STK32B: variants seen among roughly 807,000 people sequenced by gnomAD.
STK32B encodes serine/threonine kinase 32B.
A neutral mutation model predicts 52.6 loss-of-function variants in STK32B; 43 were observed. That is an observed-to-expected ratio of 0.82 (90% confidence interval 0.64 to 1.05). The LOEUF (loss-of-function observed/expected upper bound fraction) is 1.05, where lower values mean the gene tolerates loss of function less well. Ranked by LOEUF, STK32B falls within the 50% of genes least tolerant of loss-of-function variation. The probability of loss-of-function intolerance (pLI) is 0.00; values close to 1 mark genes in which losing one functional copy is unlikely to be tolerated. For missense variants in STK32B, 621 were observed against 534.6 expected, an observed-to-expected ratio of 1.16 and a Z score of -1.59; for synonymous variants, 238 against 204.3, an observed-to-expected ratio of 1.17 and a Z score of -1.41.
chr4:5,162,602 A>T (rs74774976), intron 2 of STK32B, among the ~76,000 whole-genome samples: 11,252 of 152,248 alleles, frequency 0.074, 581 homozygotes, highest in African/African-American at 0.15. Flanking sequence ...GTTGTAATTA[A>T]TAATGATGAC....
intron 1 of STK32B, among the ~76,000 whole-genome samples, chr4:5,078,270 A>G (rs555321649): frequency 6.6e-6 from 1 of 152,316 alleles, no homozygotes; most frequent in Non-Finnish European, 1.5e-5. Flanking sequence ...CTGGACTTCC[A>G]TATATGTCCT....
intron 1 of STK32B, among the ~76,000 whole-genome samples, chr4:5,111,993 T>A (rs1468996827): frequency 6.6e-6 from 1 of 152,174 alleles, no homozygotes; most frequent in Non-Finnish European, 1.5e-5. Flanking sequence ...GTGCATAACA[T>A]GTCTTAAAAT....
Position 5,460,208 on chromosome 4 carries a change from A to C in STK32B, c.889A>C (p.Met297Leu). The C allele has an allele frequency of 6.2e-7, 1 of 1,613,294 alleles. No homozygotes were observed. Among genetic ancestry groups the C allele is most frequent in the Non-Finnish European group, 8.5e-7 (1 of 1,179,636 alleles). Residue 297 changes from methionine (M) to leucine (L), a missense_variant, in exon 9 of 12, where the codon ATG becomes CTG. Physicochemically the swap from Met to Leu is conservative, Grantham distance 15. Transcript: ENST00000282908. This position sits in a 1 kb window ranked among gnomAD's most constrained non-coding sequence, Gnocchi z 4.8. ...GGACGCGGTGTTCAAGAAGGCACTGATGCCCGGCTTTGTGCCCAATGTGAG... is the reference window on the plus strand; with the variant it reads ...GGACGCGGTGTTCAAGAAGGCACTGCTGCCCGGCTTTGTGCCCAATGTGAG... ...NWDAVFKKAL[M>L]PGFVPNKGRL...
At chr4:5,416,977 TGCCTAAGACTCA>T in intron 6 of STK32B, 43 bp downstream of exon 6, 1 of 1,539,302 alleles carries the variant, frequency 6.5e-7, no homozygotes, top group Non-Finnish European at 8.9e-7. Context: ...TCGGGCTCAC[TGCCTAAGACTCA>T]GCATCCTTCT....
chr4:5,488,292 C>T (rs542934102), intron 11 of STK32B, among the ~76,000 whole-genome samples: 10 of 151,884 alleles, frequency 6.6e-5, no homozygotes, highest in East Asian at 3.9e-4. Context: ...AGTGAGACTC[C>T]GTCTGAAAAA....
At position 5,404,924 on chromosome 4, in the gene STK32B, C is replaced by T. The variant is rs187926387; in HGVS notation, c.472+6680C>T. ...TTCTGTCACCGAGACTGGAGTGCGG[C>T]GGTGCCATCTCGGCTCACTGCAAGC... On this transcript the variant is annotated intron_variant, in intron 5 of 11. Coordinates refer to ENST00000282908, the MANE Select transcript of STK32B (RefSeq NM_018401.3). Among the ~76,000 whole-genome samples, 587 of 139,478 alleles carry T rather than the reference C, an allele frequency of 4.2e-3. 4 individuals carry two copies. The highest frequency in any genetic ancestry group is 0.014 in the African/African-American group (494 of 36,400). The allele number at this position is 139,478 out of a possible 152,430, so 91.5% of individuals were successfully genotyped here. A position where few individuals can be genotyped will look rare whatever the true frequency, so the allele number is the denominator to read the frequency against.
chr4:5,267,540 G>A (rs768590647), intron 3 of STK32B, among the ~76,000 whole-genome samples: 15 of 152,260 alleles, frequency 9.9e-5, no homozygotes, highest in Middle Eastern at 3.4e-3. Context: ...CACATCTCAG[G>A]AAAAGAAATG....
intron 1 of STK32B, among the ~76,000 whole-genome samples, chr4:5,082,898 C>T (rs1431205261): frequency 2.0e-5 from 3 of 152,158 alleles, no homozygotes; most frequent in Non-Finnish European, 4.4e-5. Flanking sequence ...TTGTGCAATA[C>T]AATTCACTTT....
the STK32B span, among the ~76,000 whole-genome samples, chr4:5,031,516 C>A: frequency 1.1e-4 from 16 of 152,022 alleles, no homozygotes; most frequent in Admixed American, 3.9e-4. Flanking sequence ...GGAGGATCAC[C>A]TGACTCCAAG....
intron 1 of STK32B, among the ~76,000 whole-genome samples, chr4:5,131,506 C>T (rs1404718900): frequency 6.6e-6 from 1 of 152,158 alleles, no homozygotes; most frequent in African/African-American, 2.4e-5. Flanking sequence ...GAAAAACTTC[C>T]TAGAGCCCTT....
intron 1 of STK32B, among the ~76,000 whole-genome samples, chr4:5,119,013 C>T (rs996524135): frequency 6.6e-6 from 1 of 152,206 alleles, no homozygotes; most frequent in African/African-American, 2.4e-5. Context: ...ATTTTCTTCC[C>T]TACCTACCAT....
chr4:5,051,250 G>A (rs565137264), upstream of STK32B, among the ~76,000 whole-genome samples: 7 of 152,248 alleles, frequency 4.6e-5, no homozygotes, highest in Admixed American at 3.9e-4. Context: ...CTTTCTTACT[G>A]CTGGGTTGTC....
At chr4:5,164,484 C>T (rs1471965841) in intron 2 of STK32B, among the ~76,000 whole-genome samples, 2 of 152,226 alleles carry the variant, frequency 1.3e-5, no homozygotes, top group African/African-American at 2.4e-5. Context: ...CAAATAAGAG[C>T]ACTGTCTTAG....
chr4:5,224,756 A>G (rs1457688167), intron 3 of STK32B, among the ~76,000 whole-genome samples: 1 of 152,154 alleles, frequency 6.6e-6, no homozygotes, highest in East Asian at 1.9e-4. Context: ...AATGACAAAT[A>G]ATATATGGTG....
At chr4:5,369,659 C>T (rs1022107849) in intron 4 of STK32B, among the ~76,000 whole-genome samples, 2 of 152,102 alleles carry the variant, frequency 1.3e-5, no homozygotes, top group Admixed American at 1.3e-4. Context: ...TCTGCTCTAC[C>T]CTCATGGTCT....
chr4:5,226,728 T>C (rs1723898989), intron 3 of STK32B, among the ~76,000 whole-genome samples: 1 of 152,170 alleles, frequency 6.6e-6, no homozygotes, highest in Non-Finnish European at 1.5e-5. Context: ...GCCAAATATA[T>C]GCCAAAGAGA....
At chr4:5,234,572 T>C (rs1467119254) in intron 3 of STK32B, among the ~76,000 whole-genome samples, 2 of 152,260 alleles carry the variant, frequency 1.3e-5, no homozygotes, top group African/African-American at 4.8e-5. Context: ...TATAGGCTTA[T>C]GAACTCATTC....
At position 5,091,925 on chromosome 4, in the gene STK32B, T is replaced by A. The variant is rs112367289; in HGVS notation, c.52+40010T>A. On this transcript the variant is annotated intron_variant, in intron 1 of 11. Transcript: ENST00000282908. ...ACATGGATGAACTTTTAAAACTTTA[T>A]GTTAAGTGAAAGAAGTCTGCCAGAA... Among the ~76,000 whole-genome samples, 4 of 152,322 alleles carry A rather than the reference T, an allele frequency of 2.6e-5. 1 individual carries two copies. Among genetic ancestry groups the A allele is most frequent in the African/African-American group, 9.6e-5 (4 of 41,572 alleles).
intron 3 of STK32B, among the ~76,000 whole-genome samples, chr4:5,323,225 C>T (rs1290833193): frequency 6.6e-6 from 1 of 152,114 alleles, no homozygotes; most frequent in Non-Finnish European, 1.5e-5. Context: ...GTAGCCAAAA[C>T]GGCTTGCTAC....
Sources: allele counts gnomAD v4.1 joint callset (sites outside exome capture counted in the v4.1 genomes callset), GRCh38; gene constraint gnomAD v4.1.1; non-coding constraint Gnocchi (gnomAD v3.1); transcripts MANE v1.5; gene names NCBI Gene and HGNC (gene_info 2026-07-23, HGNC 2026-07-21).